Variants in CA13 observed in about 807,000 individuals in gnomAD.
The protein encoded by CA13 is CA-XIII.
In CA13, 21 loss-of-function variants were observed where a neutral mutation model predicts 31.5. That is an observed-to-expected ratio of 0.67 (90% confidence interval 0.47 to 0.96). The LOEUF (loss-of-function observed/expected upper bound fraction) is 0.96. CA13 is among the 40% of genes least tolerant of loss of function. CA13 has a pLI of 0.00. For missense variants in CA13, 315 were observed against 318.9 expected, an observed-to-expected ratio of 0.99 and a Z score of 0.09; for synonymous variants, 117 against 111.4, an observed-to-expected ratio of 1.05 and a Z score of -0.32.
chr8:85,277,791 A>T (rs947409772), intron 6 of CA13, among the ~76,000 whole-genome samples: 1 of 152,082 alleles, frequency 6.6e-6, no homozygotes, highest in Non-Finnish European at 1.5e-5. Flanking sequence ...TGTAAACAGG[A>T]AGTGTCCCAG....
chr8:85,270,842 G>T (rs920540264), intron 6 of CA13, among the ~76,000 whole-genome samples: 1 of 152,166 alleles, frequency 6.6e-6, no homozygotes, highest in East Asian at 1.9e-4. Context: ...CTACCTGCAA[G>T]TTTAGGAATT....
intron 1 of CA13, chr8:85,249,987 A>T: frequency 3.7e-6 from 1 of 268,786 alleles, no homozygotes; most frequent in Non-Finnish European, 7.7e-6. Context: ...TTTTGAGTAG[A>T]GGACCAGGAT....
At chr8:85,276,185 C>T (rs1807603537) in intron 6 of CA13, among the ~76,000 whole-genome samples, 1 of 152,162 alleles carries the variant, frequency 6.6e-6, no homozygotes, top group African/African-American at 2.4e-5. Flanking sequence ...GGACCCCGGG[C>T]AGTTAGGGGC....
At chr8:85,275,997 TG>T (rs955576020) in intron 6 of CA13, among the ~76,000 whole-genome samples, 1 of 152,166 alleles carries the variant, frequency 6.6e-6, no homozygotes, top group Non-Finnish European at 1.5e-5. Context: ...CGCTGCACTG[TG>T]GGGGCCCCTT....
chr8:85,281,348 A>C lies in CA13; in HGVS notation c.788A>C (p.Ter263SerextTer36), dbSNP rs2130023197. 3.7e-6 allele frequency: 6 copies of C among 1,613,604 alleles called. No individual in the cohort carries two copies. In the East Asian group the frequency reaches 1.3e-4, roughly 36 times the overall value. Residue 263 changes from the stop codon to serine, a stop_lost, in exon 7 of 7, where the codon TAA (stop) becomes TCA (serine). Transcript: ENST00000321764. Reference sequence around the variant, plus strand: ...CGCAAAGTGAGAGCCTCTTTCCATTAAAAATTGTCACCAATGAACTCCCCC... The same window carrying C: ...CGCAAAGTGAGAGCCTCTTTCCATTCAAAATTGTCACCAATGAACTCCCCC... ...KGRKVRASFH* is the reference protein window; with the variant it reads ...KGRKVRASFHS
At chr8:85,268,323 A>G in intron 5 of CA13, 149 bp from the exon 6 acceptor site, 1 of 689,012 alleles carries the variant, frequency 1.5e-6, no homozygotes. Context: ...GCTTTTTTAA[A>G]GATACTAAAG....
chr8:85,268,053 C>A, intron 5 of CA13, 89 bp downstream of exon 5: 1 of 810,718 alleles, frequency 1.2e-6, no homozygotes, highest in Non-Finnish European at 1.9e-6. Flanking sequence ...CATATGCTGC[C>A]TGCTTTGAAG....
chr8:85,262,014 T>G (rs1807386888), intron 3 of CA13, among the ~76,000 whole-genome samples: 1 of 151,560 alleles, frequency 6.6e-6, no homozygotes, highest in South Asian at 2.1e-4. Flanking sequence ...TCTGGCTAAT[T>G]ATTTTTTATA....
chr8:85,281,450 A>G lies in CA13; in HGVS notation c.*101A>G, dbSNP rs953909581. ...CCAACAACTCTTTTGTGGAATTCTAATTTATAGGAAACATTTTAGTATGAG... is the reference window on the plus strand; with the variant it reads ...CCAACAACTCTTTTGTGGAATTCTAGTTTATAGGAAACATTTTAGTATGAG... On this transcript the variant is annotated 3_prime_UTR_variant, in exon 7 of 7. Coordinates refer to ENST00000321764, the MANE Select transcript of CA13 (RefSeq NM_198584.3). 2.5e-5 allele frequency: 38 copies of G among 1,505,900 alleles called. 1 individual carries two copies. The South Asian group carries it at 4.0e-4, about 16-fold the overall frequency. 93.3% of individuals were successfully genotyped at this position (1,505,900 alleles called of 1,614,324 possible).
rs759487698 is a variant in CA13 at position 85,250,838 on chromosome 8, C to T, written c.136C>T (p.Arg46Ter). The T allele has an allele frequency of 1.9e-5, 30 of 1,613,610 alleles. No homozygotes were observed. The highest frequency in any genetic ancestry group is 1.3e-4 in the Admixed American group (8 of 59,972). ...AGAAGTGAAATATGACTCTTCCCTC[C>T]GACCACTTAGTATCAAGTATGACCC... ...TKEVKYDSSLRPLSIKYDPSS... is the reference protein window; with the variant it reads ...TKEVKYDSSL Residue 46 changes from arginine (R) to a stop codon, truncating the protein, a stop_gained, in exon 2 of 7, where the codon CGA becomes TGA. Transcript: ENST00000321764. LOFTEE classifies it high-confidence loss of function.
intron 2 of CA13, among the ~76,000 whole-genome samples, chr8:85,254,391 TA>T (rs1278100084): frequency 3.9e-5 from 6 of 152,296 alleles, no homozygotes; most frequent in South Asian, 2.1e-4. Flanking sequence ...ATTCATAGTG[TA>T]AAAATTTTCT....
chr8:85,260,437 G>T (rs918284197), intron 3 of CA13, among the ~76,000 whole-genome samples: 1 of 152,146 alleles, frequency 6.6e-6, no homozygotes. Flanking sequence ...ATGTTCTCAT[G>T]GTTACTGAGC....
In CA13 at chr8:85,283,442, T is replaced by A. The variant is rs1908762; in HGVS notation, c.*2093T>A. On this transcript the variant is annotated 3_prime_UTR_variant, in exon 7 of 7. Coordinates refer to ENST00000321764, the MANE Select transcript of CA13 (RefSeq NM_198584.3). ...TTTAATGAATTGAATATTTAAAAAA[T>A]TTTTTATTTGCTGTCTTTGGTAATT... 2.0e-5 allele frequency: 3 copies of A among 152,170 alleles called. No homozygotes were observed. The highest frequency in any genetic ancestry group is 6.6e-5 in the Admixed American group (1 of 15,244). The allele number at this position is 152,170 out of a possible 1,614,324, so 9.4% of individuals were successfully genotyped here. A position where few individuals can be genotyped will look rare whatever the true frequency, so the allele number is the denominator to read the frequency against.
chr8:85,263,371 T>A (rs1807411664), intron 3 of CA13, among the ~76,000 whole-genome samples: 1 of 152,168 alleles, frequency 6.6e-6, no homozygotes, highest in African/African-American at 2.4e-5. Flanking sequence ...CTTTATATTT[T>A]ACAAAATATA....
intron 6 of CA13, among the ~76,000 whole-genome samples, chr8:85,273,384 A>G (rs1807553531): frequency 6.6e-6 from 1 of 151,684 alleles, no homozygotes; most frequent in Non-Finnish European, 1.5e-5. Context: ...ACATTTTTAC[A>G]TTGGGTTGTT....
At chr8:85,256,956 T>TCC (rs1807310058) in intron 2 of CA13, among the ~76,000 whole-genome samples, 1 of 152,154 alleles carries the variant, frequency 6.6e-6, no homozygotes, top group African/African-American at 2.4e-5. Flanking sequence ...TCTCTCTCTC[T>TCC]CCCTCTCTGT....
At chr8:85,249,824 G>A (rs776630390) in intron 1 of CA13, 6 of 451,700 alleles carry the variant, frequency 1.3e-5, no homozygotes, top group South Asian at 6.3e-5. Context: ...TGGAACTTAC[G>A]TGAAACTACA....
At chr8:85,272,836 CT>C (rs1276612672) in intron 6 of CA13, among the ~76,000 whole-genome samples, 3 of 151,268 alleles carry the variant, frequency 2.0e-5, no homozygotes, top group Admixed American at 6.6e-5. Context: ...CTTTTTGTTT[CT>C]GAAGGAGTCT....
intron 6 of CA13, among the ~76,000 whole-genome samples, chr8:85,277,740 T>C (rs1452380062): frequency 6.6e-6 from 1 of 151,928 alleles, no homozygotes; most frequent in Non-Finnish European, 1.5e-5. Context: ...TAAAATGGCA[T>C]CAGCCGGAAG....
Sources: allele counts gnomAD v4.1 joint callset (sites outside exome capture counted in the v4.1 genomes callset), GRCh38; gene constraint gnomAD v4.1.1; transcripts MANE v1.5; gene names NCBI Gene and HGNC (gene_info 2026-07-23, HGNC 2026-07-21).